NDST3: variants seen among roughly 807,000 people sequenced by gnomAD.
The protein encoded by NDST3 is N-deacetylase and N-sulfotransferase 3.
NDST3 carries 58 observed loss-of-function variants against 96.1 expected under a neutral mutation model. That is an observed-to-expected ratio of 0.60 (90% CI 0.49 to 0.75). NDST3 has a LOEUF of 0.75. Ranked by LOEUF, NDST3 falls within the 30% of genes least tolerant of loss-of-function variation. The probability of loss-of-function intolerance (pLI) is 0.00; values close to 1 mark genes in which losing one functional copy is unlikely to be tolerated. For missense variants in NDST3, 788 were observed against 1,034.2 expected (o/e 0.76, Z 3.27); for synonymous variants, 333 against 359.7 (o/e 0.93, Z 0.84).
intron 3 of NDST3, among the ~76,000 whole-genome samples, chr4:118,108,455 T>G (rs537216690): frequency 6.6e-6 from 1 of 152,306 alleles, no homozygotes; most frequent in Non-Finnish European, 1.5e-5. Context: ...AATTTTTCAT[T>G]TGATAATATG....
At chr4:118,244,272 C>A (rs1741174623) in intron 12 of NDST3, among the ~76,000 whole-genome samples, 1 of 152,160 alleles carries the variant, frequency 6.6e-6, no homozygotes, top group Non-Finnish European at 1.5e-5. Flanking sequence ...TATCTGAAAC[C>A]TGTCTTCACA....
chr4:118,142,630 T>C (rs1733651280), intron 5 of NDST3, among the ~76,000 whole-genome samples: 1 of 152,124 alleles, frequency 6.6e-6, no homozygotes, highest in Admixed American at 6.5e-5. Flanking sequence ...GACCTGTCCC[T>C]ATATGATTTT....
At chr4:118,127,523 G>T (rs1732212217) in intron 4 of NDST3, among the ~76,000 whole-genome samples, 1 of 151,826 alleles carries the variant, frequency 6.6e-6, no homozygotes, top group Non-Finnish European at 1.5e-5. Context: ...TTTGTTGCTG[G>T]GTTCTTTGTT....
Position 118,190,053 on chromosome 4 carries a change from T to C in NDST3, c.1540-34438T>C, listed in dbSNP as rs187217944. On this transcript the variant is annotated intron_variant, in intron 6 of 13. Coordinates refer to ENST00000296499, the MANE Select transcript of NDST3 (RefSeq NM_004784.3). ...AAAAATTTTAAATACACATTTTATG[T>C]CTTTATTAGTTTCCTCATCAAAAGC... Among the ~76,000 whole-genome samples, 790 of 152,154 alleles carry C rather than the reference T, an allele frequency of 5.2e-3. 5 individuals carry two copies. Among genetic ancestry groups the C allele is most frequent in the African/African-American group, 0.018 (749 of 41,564 alleles).
At chr4:118,068,166 CTTT>C (rs34891564) in intron 2 of NDST3, among the ~76,000 whole-genome samples, 3 of 84,310 alleles carry the variant, frequency 3.6e-5, no homozygotes, top group Non-Finnish European at 4.3e-5. Context: ...TACTTGATCT[CTTT>C]TTTTTTTTTT....
chr4:118,237,967 C>T (rs1303950229), intron 10 of NDST3, among the ~76,000 whole-genome samples: 1 of 151,672 alleles, frequency 6.6e-6, no homozygotes, highest in Non-Finnish European at 1.5e-5. Flanking sequence ...TCTGTCTCTA[C>T]AAATAAAGAA....
At chr4:118,073,103 T>A (rs899368352) in intron 2 of NDST3, among the ~76,000 whole-genome samples, 1 of 152,216 alleles carries the variant, frequency 6.6e-6, no homozygotes, top group Non-Finnish European at 1.5e-5. Flanking sequence ...ATTAGCTTTT[T>A]GATGTGCTGC....
intron 2 of NDST3, among the ~76,000 whole-genome samples, chr4:118,077,642 C>T (rs1272025717): frequency 2.0e-5 from 3 of 152,166 alleles, no homozygotes; most frequent in South Asian, 2.1e-4. Context: ...GCTGGCCCTT[C>T]GGAGGGAGGT....
chr4:118,107,799 A>AT (rs1302842038), intron 3 of NDST3, among the ~76,000 whole-genome samples: 1 of 152,288 alleles, frequency 6.6e-6, no homozygotes, highest in Admixed American at 6.5e-5. Flanking sequence ...AAAATTAAGT[A>AT]TTTTTTATAT....
At chr4:118,061,570 T>C (rs965388048) in intron 2 of NDST3, among the ~76,000 whole-genome samples, 5 of 152,190 alleles carry the variant, frequency 3.3e-5, no homozygotes, top group African/African-American at 7.2e-5. Context: ...AGACATACCA[T>C]GTATTTTACT....
At chr4:118,103,891 A>T (rs1729960140) in intron 2 of NDST3, among the ~76,000 whole-genome samples, 1 of 152,228 alleles carries the variant, frequency 6.6e-6, no homozygotes, top group African/African-American at 2.4e-5. Context: ...CATTGGCTAG[A>T]TGAGTCTAAA....
intron 2 of NDST3, among the ~76,000 whole-genome samples, chr4:118,078,633 C>A (rs1727770711): frequency 6.6e-6 from 1 of 151,850 alleles, no homozygotes; most frequent in Non-Finnish European, 1.5e-5. Context: ...CCTGTAATCC[C>A]AGCTACTCAG....
intron 4 of NDST3, among the ~76,000 whole-genome samples, chr4:118,127,294 C>T (rs1732189521): frequency 1.3e-5 from 2 of 151,904 alleles, no homozygotes; most frequent in Admixed American, 1.3e-4. Context: ...AGAGTTTCCC[C>T]CATGTTTTCT....
intron 6 of NDST3, among the ~76,000 whole-genome samples, chr4:118,170,179 G>A (rs1333792974): frequency 6.6e-6 from 1 of 152,134 alleles, no homozygotes; most frequent in Non-Finnish European, 1.5e-5. Context: ...AAGAGAAATT[G>A]TGGTAGTCAT....
intron 1 of NDST3, among the ~76,000 whole-genome samples, chr4:118,045,313 T>A (rs990914039): frequency 6.6e-6 from 1 of 152,098 alleles, no homozygotes; most frequent in African/African-American, 2.4e-5. Flanking sequence ...CTTGCCATGG[T>A]CTCTTTCTTC....
intron 6 of NDST3, among the ~76,000 whole-genome samples, chr4:118,210,289 G>A (rs184300263): frequency 1.3e-5 from 2 of 152,306 alleles, no homozygotes; most frequent in East Asian, 3.9e-4. Flanking sequence ...GGGGGACACA[G>A]TAGGTTGTTG....
At position 118,133,946 on chromosome 4, in the gene NDST3, A is replaced by ATAT. The variant is rs775761329; in HGVS notation, c.1225-4105_1225-4103dup. 1.2e-3 allele frequency among the ~76,000 whole-genome samples: 176 copies of ATAT among 152,334 alleles called. 3 individuals are homozygous for ATAT. The highest frequency in any genetic ancestry group is 6.8e-3 in the Middle Eastern group (2 of 294). ...CCTTATTGTTTAATGAAAAAGAGAG[A>ATAT]TATTACATAAATGTCTTTTCTATGC... On this transcript the variant is annotated intron_variant, in intron 4 of 13. Transcript: ENST00000296499.
At chr4:118,205,425 C>A (rs1357491747) in intron 6 of NDST3, among the ~76,000 whole-genome samples, 1 of 144,520 alleles carries the variant, frequency 6.9e-6, no homozygotes, top group Non-Finnish European at 1.5e-5. Context: ...CCTTTCCCTG[C>A]CCTCTAAATC....
At chr4:118,211,368 T>C (rs1738787424) in intron 6 of NDST3, among the ~76,000 whole-genome samples, 1 of 152,176 alleles carries the variant, frequency 6.6e-6, no homozygotes, top group Non-Finnish European at 1.5e-5. Context: ...GCTACATAAT[T>C]ATTTTTAAGA....
Sources: gnomAD v4.1 joint callset for allele counts (sites outside exome capture counted in the v4.1 genomes callset) on GRCh38, gnomAD v4.1.1 for gene constraint, MANE v1.5 for transcripts, NCBI Gene and HGNC (gene_info 2026-07-23, HGNC 2026-07-21) for gene names.